The following HEATR4 variants were observed in gnomAD, a reference collection of about 807,000 sequenced individuals.
HEATR4 encodes the protein HEAT repeat containing 4.
In HEATR4, 95 loss-of-function variants were observed where a neutral mutation model predicts 108.8. The ratio of observed to expected loss-of-function variants is 0.87; its 90% CI spans 0.74 to 1.04. HEATR4 has a LOEUF of 1.04. Ranked by LOEUF, HEATR4 falls within the 50% of genes least tolerant of loss-of-function variation. HEATR4 has a pLI of 0.00. For synonymous variants in HEATR4, 443 were observed against 459.4 expected, an observed-to-expected ratio of 0.96 and a Z score of 0.46; for missense variants, 1,152 against 1,253.8, an observed-to-expected ratio of 0.92 and a Z score of 1.23.
chr14:73,482,809 C>T (rs563974033), intron 17 of HEATR4, among the ~76,000 whole-genome samples: 2 of 152,270 alleles, frequency 1.3e-5, no homozygotes, highest in African/African-American at 4.8e-5. Flanking sequence ...CAGGCACACA[C>T]CACCATGCCC....
At chr14:73,617,052 AGGGCC>A in the HEATR4 span, 82 of 1,230,296 alleles carry the variant, frequency 6.7e-5, no homozygotes, top group Non-Finnish European at 9.0e-5. Flanking sequence ...TTGTGAATAC[AGGGCC>A]AGCCTCCTGG....
chr14:73,551,766 G>T lies in HEATR4; in HGVS notation c.-152+6985C>A, dbSNP rs1163174880. ...CGAGGTTGCAGTGAGCTGAGACCAC[G>T]CCATTACACTCCAGCCTGGGCAACA... On this transcript the variant is annotated intron_variant, in intron 1 of 17. Coordinates refer to ENST00000553558, the MANE Select transcript of HEATR4 (RefSeq NM_001220484.1). Among the ~76,000 whole-genome samples, 3 of 106,356 alleles carry T rather than the reference G, an allele frequency of 2.8e-5. 1 individual carries two copies. Among genetic ancestry groups the T allele is most frequent in the Non-Finnish European group, 4.0e-5 (2 of 50,076 alleles). The allele number at this position is 106,356 out of a possible 152,430, so 69.8% of individuals were successfully genotyped here.
chr14:73,483,884 ATC>A (rs979248853), intron 17 of HEATR4, among the ~76,000 whole-genome samples: 2 of 151,802 alleles, frequency 1.3e-5, no homozygotes, highest in African/African-American at 4.8e-5. Context: ...ACGGAGTCTC[ATC>A]TCTGTCACCC....
At chr14:73,563,253 G>C (rs1395404681), upstream of HEATR4, among the ~76,000 whole-genome samples, 1 of 151,932 alleles carries the variant, frequency 6.6e-6, no homozygotes, top group Non-Finnish European at 1.5e-5. Flanking sequence ...TATTGGGGGC[G>C]AGTTCCCCCA....
the HEATR4 span, chr14:73,613,163 G>C: frequency 1.7e-5 from 8 of 461,674 alleles, no homozygotes; most frequent in South Asian, 3.7e-4. Flanking sequence ...TTCTGAGTCT[G>C]GGCGTCCGCT....
the HEATR4 span, among the ~76,000 whole-genome samples, chr14:73,608,142 C>G: frequency 6.6e-6 from 1 of 152,070 alleles, no homozygotes; most frequent in Admixed American, 6.6e-5. Flanking sequence ...CCAGGCTGAT[C>G]TTAACCTCCT....
At chr14:73,603,856 C>T in the HEATR4 span, among the ~76,000 whole-genome samples, 3 of 151,988 alleles carry the variant, frequency 2.0e-5, no homozygotes, top group African/African-American at 7.2e-5. Context: ...GCCTCAGTCT[C>T]CTGAGTAACT....
the HEATR4 span, among the ~76,000 whole-genome samples, chr14:73,565,418 C>T: frequency 0.43 from 63,144 of 147,108 alleles, 14,041 homozygotes; most frequent in East Asian, 0.64. Flanking sequence ...AGGAGTCTTG[C>T]TCAGTCGCCC....
At chr14:73,606,739 C>T in the HEATR4 span, among the ~76,000 whole-genome samples, 40 of 152,214 alleles carry the variant, frequency 2.6e-4, no homozygotes, top group African/African-American at 9.4e-4. Flanking sequence ...AGATATCAAA[C>T]CAATCAGGAC....
At position 73,551,829 on chromosome 14, in the gene HEATR4, A is replaced by C. The variant is rs1889329878; in HGVS notation, c.-152+6922T>G. Among the ~76,000 whole-genome samples, 3 of 108,812 alleles carry C rather than the reference A, an allele frequency of 2.8e-5. 1 individual carries two copies. The highest frequency in any genetic ancestry group is 5.9e-5 in the Non-Finnish European group (3 of 50,678). 71.4% of individuals were successfully genotyped at this position (108,812 alleles called of 152,430 possible). ...CGTCTTAAAAAAAAAAAAAAAACAG[A>C]CAAAATGGCTATGTATGACCTCTCC... On this transcript the variant is annotated intron_variant, in intron 1 of 17. Coordinates refer to ENST00000553558, the MANE Select transcript of HEATR4 (RefSeq NM_001220484.1).
chr14:73,562,983 T>C (rs1340807848), upstream of HEATR4, among the ~76,000 whole-genome samples: 1 of 151,942 alleles, frequency 6.6e-6, no homozygotes, highest in South Asian at 2.1e-4. Flanking sequence ...AAGCATGTGA[T>C]CTTTGTTAGA....
chr14:73,482,286 C>T (rs1444763754), intron 17 of HEATR4, among the ~76,000 whole-genome samples: 1 of 152,214 alleles, frequency 6.6e-6, no homozygotes, highest in East Asian at 1.9e-4. Flanking sequence ...CTTTGGAAGC[C>T]TGAGGCGGGC....
chr14:73,631,749 T>G, the HEATR4 span: 1 of 154,482 alleles, frequency 6.5e-6, no homozygotes, highest in Admixed American at 6.5e-5. Context: ...GTGGTATAAC[T>G]GAGACCACCT....
At chr14:73,620,582 T>C in the HEATR4 span, among the ~76,000 whole-genome samples, 1 of 152,048 alleles carries the variant, frequency 6.6e-6, no homozygotes, top group African/African-American at 2.4e-5. Context: ...TCTTTTTTTT[T>C]TTGAGACGGA....
chr14:73,479,419 T>TTTCTTTCTTTC (rs71112759), intron 17 of HEATR4, among the ~76,000 whole-genome samples: 49 of 105,150 alleles, frequency 4.7e-4, no homozygotes, highest in South Asian at 3.5e-3. Flanking sequence ...CGGCGTTTTT[T>TTTCTTTCTTTC]TTTCTTTCTT....
At position 73,502,915 on chromosome 14, in the gene HEATR4, T is replaced by C. The variant is rs147647682; in HGVS notation, c.2085A>G (p.Lys695=). ...AQALGQMSLG[K]EVHDIIRVKL... ...CTTACCTGATTATGTCGTGCACCTC[T>C]TTCCCGAGGCTCATTTGCCCAAGCG... Residue 695 remains lysine (K), a synonymous_variant, in exon 11 of 18, where the codon AAA becomes AAG. Coordinates refer to ENST00000553558, the MANE Select transcript of HEATR4 (RefSeq NM_001220484.1). 6.2e-6 allele frequency: 10 copies of C among 1,613,510 alleles called. No individual in the cohort carries two copies. The highest frequency in any genetic ancestry group is 3.3e-5 in the Admixed American group (2 of 59,968).
intron 2 of HEATR4, among the ~76,000 whole-genome samples, chr14:73,523,720 T>G (rs142196884): frequency 6.6e-6 from 1 of 152,286 alleles, no homozygotes; most frequent in African/African-American, 2.4e-5. Flanking sequence ...AAATGGCCTT[T>G]CGTACTTGAC....
rs763241053 is a variant in HEATR4 at position 73,522,318 on chromosome 14, G to C, written c.835C>G (p.Pro279Ala). ...EFEDQSVILP[P>A]QEKKKPELLL... ...AGTTCTGGCTTCTTCTTTTCCTGTG[G>C]GGGCAGGATGACACTTTGATCCTCA... Residue 279 changes from proline to alanine, a missense_variant, in exon 3 of 18, where the codon CCA becomes GCA. By Grantham distance (27) the Pro-to-Ala change is conservative. Transcript: ENST00000553558. 6.4e-5 allele frequency: 103 copies of C among 1,614,056 alleles called. No homozygotes were observed. The highest frequency in any genetic ancestry group is 8.2e-5 in the Non-Finnish European group (97 of 1,180,038).
rs1483553105 is a variant in HEATR4, at chr14:73,492,449, A to G, written c.2844+617T>C. The G allele has an allele frequency of 1.9e-6, 3 of 1,613,736 alleles. No individual in the cohort carries two copies. Among genetic ancestry groups the G allele is most frequent in the Non-Finnish European group, 1.7e-6 (2 of 1,179,794 alleles). On this transcript the variant is annotated intron_variant, in intron 17 of 17. Transcript: ENST00000553558. This position sits in a 1 kb window ranked among gnomAD's most constrained non-coding sequence, Gnocchi z 4.9. ...TAAGGATCCGCGAAGAACCGCTTTC[A>G]TGGAGAAGGTGCGGGTCTTGGTTGC...
Sources: gnomAD v4.1 joint callset for allele counts (sites outside exome capture counted in the v4.1 genomes callset) on GRCh38, gnomAD v4.1.1 for gene constraint, Gnocchi (gnomAD v3.1) non-coding constraint, MANE v1.5 for transcripts, NCBI Gene and HGNC (gene_info 2026-07-23, HGNC 2026-07-21) for gene names.